The following PTPRN2 variants were observed in gnomAD, a reference collection of about 807,000 sequenced individuals.
The protein encoded by PTPRN2 is receptor-type tyrosine-protein phosphatase N2.
A neutral mutation model predicts 118.8 loss-of-function variants in PTPRN2; 74 were observed. The ratio of observed to expected loss-of-function variants is 0.62; its 90% CI spans 0.52 to 0.76. The LOEUF (loss-of-function observed/expected upper bound fraction) is 0.76, where lower values mean the gene tolerates loss of function less well. Among genes scored for constraint, PTPRN2 ranks in the 30% least tolerant of loss-of-function variants. The pLI is 0.00. For synonymous variants in PTPRN2, 641 were observed against 608.0 expected, an observed-to-expected ratio of 1.05 and a Z score of -0.80; for missense variants, 1,481 against 1,394.4, an observed-to-expected ratio of 1.06 and a Z score of -0.99.
intron 12 of PTPRN2, among the ~76,000 whole-genome samples, chr7:157,817,507 G>A (rs78965745): frequency 0.024 from 3,660 of 152,214 alleles, 165 homozygotes; most frequent in African/African-American, 0.083. Context: ...TCACGGCACC[G>A]TTTCATCCCA....
In PTPRN2 at chr7:157,610,518, G is replaced by A. The variant is rs1293517317; in HGVS notation, c.2345-6443C>T. 1.3e-5 allele frequency among the ~76,000 whole-genome samples: 2 copies of A among 152,206 alleles called. No individual in the cohort carries two copies. Among genetic ancestry groups the A allele is most frequent in the African/African-American group, 4.8e-5 (2 of 41,456 alleles). ...ACCAGCACCCACAAGCTCCTGCTCC[G>A]AGTTTATGGTGTCCATCGAGGTCTG... is the stretch of plus-strand genomic sequence containing the variant. On this transcript the variant is annotated intron_variant, in intron 15 of 22. Coordinates refer to ENST00000389418, the MANE Select transcript of PTPRN2 (RefSeq NM_002847.5). This position sits in a 1 kb window ranked among gnomAD's most constrained non-coding sequence, Gnocchi z 5.1.
chr7:157,548,832 G>A, intron 22 of PTPRN2, 114 bp downstream of exon 22: 1 of 1,085,238 alleles, frequency 9.2e-7, no homozygotes, highest in Middle Eastern at 2.7e-4. Context: ...TCAGAGCAGA[G>A]CAATCGGTGT....
intron 11 of PTPRN2, among the ~76,000 whole-genome samples, chr7:157,963,196 G>T (rs1023388012): frequency 6.6e-6 from 1 of 152,248 alleles, no homozygotes; most frequent in Non-Finnish European, 1.5e-5. Flanking sequence ...AGGTGGACCT[G>T]CAGTCAGAGA....
intron 3 of PTPRN2, among the ~76,000 whole-genome samples, chr7:158,294,891 C>G (rs1034398936): frequency 2.0e-5 from 3 of 147,016 alleles, no homozygotes; most frequent in Non-Finnish European, 4.5e-5. Flanking sequence ...GCCCGCTGAC[C>G]CTGCCTGTCT....
At chr7:158,038,214 A>G (rs1462795670) in intron 11 of PTPRN2, among the ~76,000 whole-genome samples, 1 of 152,270 alleles carries the variant, frequency 6.6e-6, no homozygotes, top group Non-Finnish European at 1.5e-5. Context: ...AAACAGAACC[A>G]GTGGAATAAA....
chr7:157,748,164 A>G (rs767026080), intron 12 of PTPRN2, among the ~76,000 whole-genome samples: 1,308 of 78,374 alleles, frequency 0.017, 9 homozygotes, highest in Non-Finnish European at 0.017. Context: ...TCTGAGCTGT[A>G]GGGTGTCTGG....
Position 158,316,846 on chromosome 7 carries a change from C to G in PTPRN2, c.250G>C (p.Val84Leu), listed in dbSNP as rs764331168. ...VSPVALQRLR[V>L]ALQKLSGTGF... ...GTGCCGGAAAGCTTCTGCAACGCCA[C>G]GCGCAGGCGCTGCAGGGCCACGGGC... The change falls in exon 3 of 23, where the codon GTG becomes CTG. Residue 84 changes from valine (V) to leucine (L), a missense_variant. By Grantham distance (32) the Val-to-Leu change is conservative. Around this residue, in one of 3 missense-constraint regions of PTPRN2, gnomAD observed 1,115 missense variants for 994.2 expected, o/e 1.12. Coordinates refer to ENST00000389418, the MANE Select transcript of PTPRN2 (RefSeq NM_002847.5). 1.9e-6 allele frequency: 3 copies of G among 1,608,678 alleles called. No homozygotes were observed. The highest frequency in any genetic ancestry group is 2.5e-6 in the Non-Finnish European group (3 of 1,179,592).
rs141284857 is a variant in PTPRN2 at position 158,457,709 on chromosome 7, C to T, written c.163+32026G>A. On this transcript the variant is annotated intron_variant, in intron 2 of 22. Coordinates refer to ENST00000389418, the MANE Select transcript of PTPRN2 (RefSeq NM_002847.5). ...CCTGGGGGGAGTCACAGTAAAGCCA[C>T]CGTCAAAACTCCTTCCAAGTTCATT... is the stretch of plus-strand genomic sequence containing the variant. Among the ~76,000 whole-genome samples the T allele has an allele frequency of 1.4e-4, 6 of 41,532 alleles. 1 individual carries two copies. The South Asian group carries it at 3.5e-3, about 24-fold the overall frequency. 27.2% of individuals were successfully genotyped at this position (41,532 alleles called of 152,430 possible).
Position 158,241,528 on chromosome 7 carries a change from TA to T in PTPRN2, c.278-36256del, listed in dbSNP as rs541873169. On this transcript the variant is annotated intron_variant, in intron 3 of 22. Transcript: ENST00000389418. ...GACTCTATCTCAAAAAAAGAATTAATAAATAAATAAAATTTAAATTTAAATT... is the reference window on the plus strand; with the variant it reads ...GACTCTATCTCAAAAAAAGAATTAATAATAAATAAAATTTAAATTTAAATT... Among the ~76,000 whole-genome samples, 889 of 152,042 alleles carry T rather than the reference TA, an allele frequency of 5.8e-3. 13 individuals carry two copies. The highest frequency in any genetic ancestry group is 0.02 in the African/African-American group (839 of 41,466).
chr7:157,569,873 G>C (rs1799674212), intron 20 of PTPRN2, among the ~76,000 whole-genome samples: 1 of 152,180 alleles, frequency 6.6e-6, no homozygotes, highest in South Asian at 2.1e-4. Flanking sequence ...TGACTTTCCG[G>C]AAAACGAATA....
intron 11 of PTPRN2, among the ~76,000 whole-genome samples, chr7:158,076,741 T>A (rs1812390038): frequency 6.6e-6 from 1 of 152,120 alleles, no homozygotes; most frequent in Admixed American, 6.5e-5. Context: ...AAAGGCCAGC[T>A]TCTCTGTGGA....
chr7:157,727,172 T>G lies in PTPRN2; in HGVS notation c.1789-44235A>C, dbSNP rs528169719. Among the ~76,000 whole-genome samples, 29 of 152,130 alleles carry G rather than the reference T, an allele frequency of 1.9e-4. 1 individual carries two copies. The highest frequency in any genetic ancestry group is 6.8e-4 in the African/African-American group (28 of 41,430). On this transcript the variant is annotated intron_variant, in intron 12 of 22. Transcript: ENST00000389418. ...GAAAGCAGGGTCTTGAAGAGGTATT[T>G]GCACGCCAGGTTCACAGCAACTTTA...
chr7:158,190,879 A>G (rs1312126100), intron 5 of PTPRN2, among the ~76,000 whole-genome samples: 2 of 152,274 alleles, frequency 1.3e-5, no homozygotes, highest in Admixed American at 1.3e-4. Flanking sequence ...GCAAGGCCAC[A>G]GCAAAGATGG....
intron 11 of PTPRN2, among the ~76,000 whole-genome samples, chr7:158,071,196 G>A (rs1344564707): frequency 2.4e-5 from 1 of 41,388 alleles, no homozygotes; most frequent in Non-Finnish European, 4.7e-5. Context: ...TGCTCATGGT[G>A]GTGGAGGTGC....
chr7:158,085,751 C>CGG (rs1813335058), intron 10 of PTPRN2, among the ~76,000 whole-genome samples: 2 of 145,336 alleles, frequency 1.4e-5, no homozygotes, highest in South Asian at 2.2e-4. Flanking sequence ...CCCATCCACA[C>CGG]ATGCCCATCC....
At chr7:158,044,404 A>G (rs956070979) in intron 11 of PTPRN2, among the ~76,000 whole-genome samples, 8 of 152,316 alleles carry the variant, frequency 5.3e-5, no homozygotes, top group South Asian at 2.1e-4. Context: ...CTGCACCTGC[A>G]TAGGAATTCA....
chr7:157,965,965 T>G (rs1007088862), intron 11 of PTPRN2, among the ~76,000 whole-genome samples: 4 of 152,142 alleles, frequency 2.6e-5, no homozygotes, highest in African/African-American at 9.7e-5. Flanking sequence ...GGAATCAGCT[T>G]CCCAAAGCAT....
In PTPRN2 at chr7:158,526,074, T is replaced by C. The variant is rs1824760077; in HGVS notation, c.113-36289A>G. ...TCCTTCCTTCCTCAGCAGCGCTGTG[T>C]GGGAAGGGGGACTATCTGCCCAGTC... On this transcript the variant is annotated intron_variant, in intron 1 of 22. Coordinates refer to ENST00000389418, the MANE Select transcript of PTPRN2 (RefSeq NM_002847.5). This position sits in a 1 kb window ranked among gnomAD's most constrained non-coding sequence, Gnocchi z 5.2. 6.6e-6 allele frequency among the ~76,000 whole-genome samples: 1 copy of C among 152,146 alleles called. No homozygotes were observed. The highest frequency in any genetic ancestry group is 1.5e-5 in the Non-Finnish European group (1 of 68,004).
chr7:157,915,867 G>T (rs568835862), intron 11 of PTPRN2, among the ~76,000 whole-genome samples: 2 of 152,072 alleles, frequency 1.3e-5, no homozygotes, highest in Non-Finnish European at 2.9e-5. Context: ...TTTGGAATGA[G>T]GGTGAGTCCC....
Sources: allele counts gnomAD v4.1 joint callset (sites outside exome capture counted in the v4.1 genomes callset), GRCh38; gene constraint gnomAD v4.1.1; regional missense constraint gnomAD v4.1.1; non-coding constraint Gnocchi (gnomAD v3.1); transcripts MANE v1.5; gene names NCBI Gene and HGNC (gene_info 2026-07-23, HGNC 2026-07-21).